Variants in LARGE1 observed in about 807,000 individuals in gnomAD.
The protein encoded by LARGE1 is LARGE xylosyl- and glucuronyltransferase 1.
In LARGE1, 43 loss-of-function variants were observed where a neutral mutation model predicts 87.6. The ratio of observed to expected loss-of-function variants is 0.49; its 90% CI spans 0.38 to 0.63. The LOEUF is 0.63. LARGE1 is among the 30% of genes least tolerant of loss of function. The probability of loss-of-function intolerance (pLI) is 0.00; values close to 1 mark genes in which losing one functional copy is unlikely to be tolerated. For synonymous variants in LARGE1, 434 were observed against 394.6 expected (o/e 1.10, Z -1.18); for missense variants, 802 against 1,000.2 (o/e 0.80, Z 2.67).
intron 2 of LARGE1, among the ~76,000 whole-genome samples, chr22:33,666,825 C>T (rs892991847): frequency 6.6e-6 from 1 of 152,122 alleles, no homozygotes; most frequent in African/African-American, 2.4e-5. Flanking sequence ...AAACTTGGGG[C>T]TTGCATTTGC....
rs377637258 is a variant in LARGE1 at position 33,265,007 on chromosome 22, TCTCCTG to T, written c.1730+39216_1730+39221del. On this transcript the variant is annotated intron_variant, in intron 11 of 11. Coordinates refer to the LARGE1 transcript ENST00000608642. ...CCTCTGCTTCCCAGGTTCAAGTGAT[TCTCCTG>T]CTTCAGCCTCCTGAGTAGCTGGGAT... Among the ~76,000 whole-genome samples, 289 of 151,286 alleles carry T rather than the reference TCTCCTG, an allele frequency of 1.9e-3. 1 individual carries two copies. In the Middle Eastern group the frequency reaches 0.024, roughly 12 times the overall value.
chr22:33,921,155 G>T (rs953959642), upstream of LARGE1, among the ~76,000 whole-genome samples: 5 of 151,716 alleles, frequency 3.3e-5, no homozygotes, highest in African/African-American at 1.2e-4. This position sits in a 1 kb window ranked among gnomAD's most constrained non-coding sequence, Gnocchi z 4.1. Flanking sequence ...GCAGCCGCGC[G>T]GACCGAGAGT....
chr22:33,342,660 G>A (rs116024549), intron 9 of LARGE1, among the ~76,000 whole-genome samples: 159 of 152,250 alleles, frequency 1.0e-3, no homozygotes, highest in Middle Eastern at 6.8e-3. Flanking sequence ...TTGGGACTAG[G>A]ACCCAGGTCT....
At chr22:33,484,529 G>T (rs2148230356) in intron 6 of LARGE1, among the ~76,000 whole-genome samples, 1 of 152,266 alleles carries the variant, frequency 6.6e-6, no homozygotes, top group South Asian at 2.1e-4. Flanking sequence ...TTGCAAGAAG[G>T]CTTTGAAGGG....
chr22:33,162,062 C>A (rs1157631413), downstream of LARGE1, among the ~76,000 whole-genome samples: 1 of 152,126 alleles, frequency 6.6e-6, no homozygotes, highest in Non-Finnish European at 1.5e-5. Context: ...GTCTTCTGAG[C>A]CCTCCAAACT....
intron 1 of LARGE1, among the ~76,000 whole-genome samples, chr22:33,832,260 T>C (rs2062992843): frequency 6.6e-6 from 1 of 152,154 alleles, no homozygotes; most frequent in Admixed American, 6.5e-5. Context: ...CACACAGCCA[T>C]CTTCCTCTCT....
intron 12 of LARGE1, among the ~76,000 whole-genome samples, chr22:33,296,870 G>A (rs771144656): frequency 9.9e-5 from 15 of 152,054 alleles, no homozygotes; most frequent in Admixed American, 1.3e-4. Context: ...CGCCCAGCCC[G>A]CCAGTTATCC....
At position 33,904,310 on chromosome 22, in the gene LARGE1, C is replaced by A. The variant is rs189055605; in HGVS notation, c.-83+15685G>T. The stretch of plus-strand genomic sequence containing the variant: ...AGCTGGGATTACAGGCGTGTGCCAC[C>A]ACGCTTGGCTAATTTTTGTATTTTT... On this transcript the variant is annotated intron_variant, in intron 1 of 14. Transcript: ENST00000397394. 2.0e-5 allele frequency among the ~76,000 whole-genome samples: 3 copies of A among 152,290 alleles called. No homozygotes were observed. In the East Asian group the frequency reaches 5.8e-4, roughly 29 times the overall value.
chr22:33,790,198 A>G (rs2145977033), intron 1 of LARGE1, among the ~76,000 whole-genome samples: 1 of 152,302 alleles, frequency 6.6e-6, no homozygotes, highest in Middle Eastern at 3.4e-3. Flanking sequence ...TCCCCTGCAC[A>G]ACCTCTCTTT....
intron 11 of LARGE1, among the ~76,000 whole-genome samples, chr22:33,189,978 T>A (rs1404481902): frequency 6.6e-6 from 1 of 152,198 alleles, no homozygotes; most frequent in Non-Finnish European, 1.5e-5. Flanking sequence ...CCCCAGGGAA[T>A]AGCCAGGCTA....
chr22:33,529,248 G>A (rs2072074677), intron 6 of LARGE1, among the ~76,000 whole-genome samples: 1 of 152,128 alleles, frequency 6.6e-6, no homozygotes, highest in East Asian at 1.9e-4. Context: ...GACCATGATG[G>A]CCCCTTGCCT....
At chr22:33,819,373 T>G (rs2086752671) in intron 1 of LARGE1, among the ~76,000 whole-genome samples, 2 of 152,160 alleles carry the variant, frequency 1.3e-5, no homozygotes, top group South Asian at 4.1e-4. Context: ...AGTTCAGACC[T>G]TCTGGTCACA....
intron 1 of LARGE1, among the ~76,000 whole-genome samples, chr22:33,885,281 C>G (rs1328566243): frequency 6.6e-6 from 1 of 152,202 alleles, no homozygotes; most frequent in Non-Finnish European, 1.5e-5. Flanking sequence ...TACTGAGCCA[C>G]TTTATTTCAA....
intron 1 of LARGE1, among the ~76,000 whole-genome samples, chr22:33,778,712 G>T (rs891442607): frequency 6.6e-6 from 1 of 152,018 alleles, no homozygotes; most frequent in African/African-American, 2.4e-5. Context: ...GTGCAGTGGC[G>T]CAATCTCGGC....
At chr22:33,576,488 G>C (rs780274746) in intron 5 of LARGE1, among the ~76,000 whole-genome samples, 1 of 152,164 alleles carries the variant, frequency 6.6e-6, no homozygotes, top group African/African-American at 2.4e-5. Context: ...GCATGGGATG[G>C]TGAAGATATC....
chr22:33,766,935 T>TATATACAC (rs2084923548), intron 1 of LARGE1, among the ~76,000 whole-genome samples: 1 of 24,852 alleles, frequency 4.0e-5, no homozygotes, highest in Admixed American at 6.0e-4. Flanking sequence ...TATATATATA[T>TATATACAC]ATATATATAT....
At chr22:33,449,224 G>A (rs1462088806) in intron 6 of LARGE1, among the ~76,000 whole-genome samples, 1 of 152,142 alleles carries the variant, frequency 6.6e-6, no homozygotes. Context: ...CATATCATTG[G>A]AACATGAATA....
chr22:33,206,809 TTTTG>T (rs1166723101), intron 11 of LARGE1, among the ~76,000 whole-genome samples: 1 of 152,244 alleles, frequency 6.6e-6, no homozygotes, highest in Non-Finnish European at 1.5e-5. Context: ...GACAAAATGA[TTTTG>T]TTTTTCTTCT....
At chr22:33,178,644 T>C (rs1923004867) in intron 11 of LARGE1, among the ~76,000 whole-genome samples, 2 of 152,194 alleles carry the variant, frequency 1.3e-5, no homozygotes, top group African/African-American at 4.8e-5. Flanking sequence ...TTTCCTTTCT[T>C]CAAAAAGTCT....
Sources: allele counts gnomAD v4.1 joint callset (sites outside exome capture counted in the v4.1 genomes callset), GRCh38; gene constraint gnomAD v4.1.1; non-coding constraint Gnocchi (gnomAD v3.1); transcripts MANE v1.5; gene names NCBI Gene and HGNC (gene_info 2026-07-23, HGNC 2026-07-21).